Variants in DGKG observed in about 807,000 individuals in gnomAD.
DGKG encodes DAG kinase gamma.
In DGKG, 78 loss-of-function variants were observed where a neutral mutation model predicts 105.3. The observed-to-expected ratio is 0.74, with a 90% CI of 0.62 to 0.89. The LOEUF (loss-of-function observed/expected upper bound fraction) is 0.89. Ranked by LOEUF, DGKG falls within the 40% of genes least tolerant of loss-of-function variation. The pLI is 0.00. For synonymous variants in DGKG, 346 were observed against 367.1 expected (o/e 0.94, Z 0.66); for missense variants, 958 against 1,020.1 (o/e 0.94, Z 0.83).
At chr3:186,355,329 C>T (rs1726882693) in intron 1 of DGKG, among the ~76,000 whole-genome samples, 1 of 142,756 alleles carries the variant, frequency 7.0e-6, no homozygotes, top group African/African-American at 2.5e-5. Flanking sequence ...CTACCATCAC[C>T]ACTATCACCA....
chr3:186,315,552 G>A (rs1251702158), intron 2 of DGKG, among the ~76,000 whole-genome samples: 1 of 152,098 alleles, frequency 6.6e-6, no homozygotes, highest in African/African-American at 2.4e-5. Flanking sequence ...GGTCTATCAG[G>A]GTAGGCTAGA....
chr3:186,338,732 A>G (rs1288384406), intron 1 of DGKG, among the ~76,000 whole-genome samples: 1 of 152,176 alleles, frequency 6.6e-6, no homozygotes, highest in African/African-American at 2.4e-5. Context: ...TATTTCTACT[A>G]TCTAGGTCTG....
chr3:186,351,360 A>AT (rs1726621291), intron 1 of DGKG, among the ~76,000 whole-genome samples: 1 of 152,146 alleles, frequency 6.6e-6, no homozygotes, highest in Admixed American at 6.5e-5. Context: ...TTAAGGCCTT[A>AT]TTTTTTGAAA....
At chr3:186,334,147 T>A (rs1433882533) in intron 1 of DGKG, among the ~76,000 whole-genome samples, 2 of 152,204 alleles carry the variant, frequency 1.3e-5, no homozygotes, top group African/African-American at 4.8e-5. Context: ...ACTGAGGGTC[T>A]ACTATCTGTT....
intron 1 of DGKG, among the ~76,000 whole-genome samples, chr3:186,351,673 G>A (rs1726636597): frequency 6.6e-6 from 1 of 152,178 alleles, no homozygotes; most frequent in African/African-American, 2.4e-5. Flanking sequence ...TATAACTCAG[G>A]GAAATGTGGT....
chr3:186,308,698 A>G (rs2108627494), intron 2 of DGKG, among the ~76,000 whole-genome samples: 1 of 152,358 alleles, frequency 6.6e-6, no homozygotes, highest in African/African-American at 2.4e-5. Flanking sequence ...CAGATGTTGA[A>G]AAACTAATAG....
intron 23 of DGKG, 129 bp downstream of exon 23, chr3:186,164,769 A>T: frequency 8.7e-7 from 1 of 1,149,930 alleles, no homozygotes; most frequent in Non-Finnish European, 1.2e-6. Flanking sequence ...GACGTTCTTT[A>T]CAAACATTAT....
At chr3:186,326,263 A>C (rs542408133) in intron 1 of DGKG, among the ~76,000 whole-genome samples, 27 of 152,148 alleles carry the variant, frequency 1.8e-4, no homozygotes, top group Admixed American at 1.2e-3. Flanking sequence ...GTGGTGGTAC[A>C]TGCCTGTAGT....
chr3:186,250,234 A>T (rs1350967633), intron 19 of DGKG, among the ~76,000 whole-genome samples: 2 of 152,186 alleles, frequency 1.3e-5, no homozygotes, highest in Admixed American at 1.3e-4. Context: ...CAGGTACTCA[A>T]TAAATGCTAG....
rs370923201 is a variant in DGKG at position 186,223,242 on chromosome 3, C to T, written c.1827-11357G>A. Reference sequence around the variant, plus strand: ...CTACCCTACATCCCCGGCGGTGACCCTGAAGTCTGGGCTGGAGTTCTACTT... The same window carrying T: ...CTACCCTACATCCCCGGCGGTGACCTTGAAGTCTGGGCTGGAGTTCTACTT... On this transcript the variant is annotated intron_variant, in intron 20 of 24. Coordinates refer to ENST00000265022, the MANE Select transcript of DGKG (RefSeq NM_001346.3). Among the ~76,000 whole-genome samples the T allele has an allele frequency of 1.1e-4, 17 of 151,618 alleles. No individual in the cohort carries two copies. In the East Asian group the frequency reaches 2.9e-3, roughly 26 times the overall value.
At chr3:186,350,028 T>C (rs1227088473) in intron 1 of DGKG, among the ~76,000 whole-genome samples, 1 of 152,024 alleles carries the variant, frequency 6.6e-6, no homozygotes, top group Non-Finnish European at 1.5e-5. Flanking sequence ...GGGATACCGA[T>C]GTGTGCCACC....
chr3:186,211,921 A>G (rs563321602), intron 20 of DGKG, 36 bp from the exon 21 acceptor site: 4 of 1,515,406 alleles, frequency 2.6e-6, no homozygotes, highest in East Asian at 2.3e-5. Context: ...TCAATATTCC[A>G]TACTTGAAAT....
chr3:186,302,538 G>GTATATA (rs769000961), intron 3 of DGKG, among the ~76,000 whole-genome samples: 8 of 35,138 alleles, frequency 2.3e-4, no homozygotes, highest in Non-Finnish European at 3.7e-4. Flanking sequence ...ATATACATAT[G>GTATATA]TATATATATA....
intron 24 of DGKG, among the ~76,000 whole-genome samples, chr3:186,155,178 G>T (rs1219736584): frequency 5.3e-5 from 8 of 151,838 alleles, no homozygotes; most frequent in South Asian, 2.1e-4. Flanking sequence ...GTTTTATTTT[G>T]GTTTTGTTTT....
intron 5 of DGKG, among the ~76,000 whole-genome samples, chr3:186,295,937 T>C (rs1171956804): frequency 6.6e-6 from 1 of 152,102 alleles, no homozygotes; most frequent in Non-Finnish European, 1.5e-5. Context: ...CAAAACCCTG[T>C]CTGTACTAAA....
At chr3:186,199,799 C>A (rs1169347791) in intron 21 of DGKG, among the ~76,000 whole-genome samples, 2 of 152,184 alleles carry the variant, frequency 1.3e-5, no homozygotes, top group South Asian at 2.1e-4. Flanking sequence ...AGGGTGTGAG[C>A]CACTGCGCCC....
intron 22 of DGKG, among the ~76,000 whole-genome samples, chr3:186,176,797 T>C (rs1438815788): frequency 6.6e-6 from 1 of 152,180 alleles, no homozygotes; most frequent in Non-Finnish European, 1.5e-5. Context: ...ACATGCTGGA[T>C]AAATAGACCT....
At chr3:186,209,058 C>A (rs956201531) in intron 21 of DGKG, among the ~76,000 whole-genome samples, 1 of 149,808 alleles carries the variant, frequency 6.7e-6, no homozygotes, top group Non-Finnish European at 1.5e-5. Flanking sequence ...TTTTTCCTGT[C>A]CCACTGGACT....
intron 21 of DGKG, among the ~76,000 whole-genome samples, chr3:186,202,578 C>T (rs1318172839): frequency 1.3e-5 from 2 of 152,172 alleles, no homozygotes; most frequent in Admixed American, 1.3e-4. Context: ...GATGGGGCCT[C>T]GCAGTTTATT....
Sources: gnomAD v4.1 joint callset for allele counts (sites outside exome capture counted in the v4.1 genomes callset) on GRCh38, gnomAD v4.1.1 for gene constraint, MANE v1.5 for transcripts, NCBI Gene and HGNC (gene_info 2026-07-23, HGNC 2026-07-21) for gene names.